Variants in MGAM observed in about 807,000 individuals in gnomAD.
MGAM encodes the protein maltase-glucoamylase.
In MGAM, 253 loss-of-function variants were observed where a neutral mutation model predicts 358.8. The observed-to-expected ratio is 0.71, with a 90% CI of 0.64 to 0.78. MGAM has a LOEUF of 0.78. MGAM is among the 30% of genes least tolerant of loss of function. The pLI is 0.00. For missense variants in MGAM, 3,080 were observed against 3,432.6 expected (o/e 0.90, Z 2.57); for synonymous variants, 1,105 against 1,227.1 (o/e 0.90, Z 2.08).
chr7:142,054,888 G>T lies in MGAM; in HGVS notation c.3294G>T (p.Arg1098=). ...KKNPFGIEIR[R]KSTGTIIWDS... is the part of the protein sequence containing the mutation. ...ATCCATTTGGGATTGAAATTCGCCG[G>T]AAGAGTACAGGCACTATAATGTGAG... The change falls in exon 27 of 71, where the codon CGG becomes CGT. Residue 1098 remains arginine (R), a synonymous_variant. Coordinates refer to ENST00000475668, the MANE Select transcript of MGAM (RefSeq NM_001365693.1). 6.2e-7 allele frequency: 1 copy of T among 1,613,746 alleles called. No individual in the cohort carries two copies.
intron 1 of MGAM, among the ~76,000 whole-genome samples, chr7:142,003,082 T>C (rs1804858994): frequency 1.3e-5 from 2 of 151,904 alleles, no homozygotes; most frequent in Non-Finnish European, 2.9e-5. Flanking sequence ...ATGACACAAA[T>C]TGGAAAACAT....
At chr7:142,020,813 C>T (rs552691326) in intron 4 of MGAM, among the ~76,000 whole-genome samples, 161 bp from the exon 5 acceptor site, 8 of 151,998 alleles carry the variant, frequency 5.3e-5, no homozygotes, top group South Asian at 2.1e-4. Flanking sequence ...AGGCTGGTCT[C>T]GAATTCCTGA....
chr7:142,040,578 T>C, intron 20 of MGAM, 144 bp from the exon 21 acceptor site: 1 of 1,094,922 alleles, frequency 9.1e-7, no homozygotes. Flanking sequence ...TTGATTTTTT[T>C]CCTTCTGTTG....
Position 142,036,224 on chromosome 7 carries a change from G to T in MGAM, c.2015G>T (p.Arg672Leu). The change falls in exon 17 of 71, where the codon CGG becomes CTG. Residue 672 changes from arginine (R) to leucine (L), a missense_variant. Coordinates refer to ENST00000475668, the MANE Select transcript of MGAM (RefSeq NM_001365693.1). ...GACACCCCTGAGGAGCTCTGTAGGC[G>T]GTGGATGCAGTTGGGTGCATTTTAT... Reference protein sequence around the residue: ...ALDTPEELCRRWMQLGAFYPF... With the variant: ...ALDTPEELCRLWMQLGAFYPF... 6.2e-7 allele frequency: 1 copy of T among 1,612,336 alleles called. No homozygotes were observed.
At chr7:142,028,693 C>T (rs1238789066) in intron 10 of MGAM, among the ~76,000 whole-genome samples, 11 of 151,872 alleles carry the variant, frequency 7.2e-5, no homozygotes, top group African/African-American at 2.2e-4. Flanking sequence ...TGTAATTTGA[C>T]GGAAAGATAG....
Position 142,022,265 on chromosome 7 carries a change from T to G in MGAM, c.711-3T>G. 1 of 1,603,466 alleles carries G rather than the reference T, an allele frequency of 6.2e-7. No homozygotes were observed. The highest frequency in any genetic ancestry group is 8.5e-7 in the Non-Finnish European group (1 of 1,173,974). ...CATCCTTGTGTTCTCCACCTGTGTC[T>G]AGGTTTGACTCGAGCATTGGGCCCC... is the stretch of plus-strand genomic sequence containing the variant. On this transcript the variant is annotated splice_region_variant and splice_polypyrimidine_tract_variant and intron_variant, in intron 6 of 70. Transcript: ENST00000475668.
At chr7:141,987,492 C>T (rs1554446449) in intron 2 of MGAM, among the ~76,000 whole-genome samples, 1 of 152,116 alleles carries the variant, frequency 6.6e-6, no homozygotes, top group African/African-American at 2.4e-5. Context: ...TGGACGAAGT[C>T]GGATCATCTG....
At chr7:142,015,329 C>A (rs1805888063) in intron 3 of MGAM, among the ~76,000 whole-genome samples, 1 of 151,982 alleles carries the variant, frequency 6.6e-6, no homozygotes, top group African/African-American at 2.4e-5. Context: ...AGGCTTTGCT[C>A]ATCTATTTTA....
At position 142,080,566 on chromosome 7, in the gene MGAM, A is replaced by G. The variant is rs960054718; in HGVS notation, c.5848-225A>G. The stretch of plus-strand genomic sequence containing the variant: ...TTTTCTACGTTAGCACCAATGTCAC[A>G]ATGCTTATATTGATGCAGTAGAGGC... On this transcript the variant is annotated intron_variant, in intron 49 of 70. Coordinates refer to ENST00000475668, the MANE Select transcript of MGAM (RefSeq NM_001365693.1). 3.4e-5 allele frequency among the ~76,000 whole-genome samples: 5 copies of G among 146,242 alleles called. 2 individuals carry two copies. Among genetic ancestry groups the G allele is most frequent in the Non-Finnish European group, 7.7e-5 (5 of 64,620 alleles).
rs865917292 is a variant in MGAM, at chr7:142,043,591, A to T, written c.2498+2745A>T. Among the ~76,000 whole-genome samples, 2 of 85,108 alleles carry T rather than the reference A, an allele frequency of 2.3e-5. 1 individual carries two copies. The highest frequency in any genetic ancestry group is 1.1e-4 in the African/African-American group (2 of 18,356). 55.8% of individuals were successfully genotyped at this position (85,108 alleles called of 152,430 possible). Reference sequence around the variant, plus strand: ...ATATACATATGATATCTAAATATATAATATATACATATAATATCTAATATA... The same window carrying T: ...ATATACATATGATATCTAAATATATTATATATACATATAATATCTAATATA... On this transcript the variant is annotated intron_variant, in intron 21 of 70. Transcript: ENST00000475668.
chr7:141,990,335 C>A (rs1392105790), intron 2 of MGAM, among the ~76,000 whole-genome samples: 2 of 152,220 alleles, frequency 1.3e-5, no homozygotes, highest in Non-Finnish European at 2.9e-5. Flanking sequence ...TGCACCTGTG[C>A]AGCTTCCAGA....
chr7:142,051,731 T>C (rs1374908380), intron 24 of MGAM, among the ~76,000 whole-genome samples: 1 of 152,160 alleles, frequency 6.6e-6, no homozygotes, highest in Admixed American at 6.5e-5. Context: ...CCTGATGTGA[T>C]TATTATGCCC....
rs1034833039 is a variant in MGAM at position 142,073,484 on chromosome 7, T to A, written c.5187-601T>A. On this transcript the variant is annotated intron_variant, in intron 44 of 70. Coordinates refer to ENST00000475668, the MANE Select transcript of MGAM (RefSeq NM_001365693.1). ...AAATTGCTCTCTATCCTCTTCTTCC[T>A]CTATGTCCATCTACTCTACCATGTC... Among the ~76,000 whole-genome samples the A allele has an allele frequency of 2.1e-5, 3 of 146,230 alleles. No individual in the cohort carries two copies. In the Admixed American group the frequency reaches 2.1e-4, roughly 10 times the overall value.
intron 43 of MGAM, among the ~76,000 whole-genome samples, chr7:142,069,703 C>T (rs1027508438): frequency 4.1e-5 from 6 of 145,348 alleles, no homozygotes; most frequent in African/African-American, 1.5e-4. Flanking sequence ...CTGGATCTGC[C>T]CTTAGGGTGG....
chr7:142,002,792 AC>A lies in MGAM; in HGVS notation c.-2-2735del, dbSNP rs561295706. Among the ~76,000 whole-genome samples, 17 of 152,022 alleles carry A rather than the reference AC, an allele frequency of 1.1e-4. No homozygotes were observed. In the East Asian group the frequency reaches 2.9e-3, roughly 26 times the overall value. ...AAACTGGAAAAAAGGAAGTCAAATT[AC>A]CTCTGTTCACTGATGGTATAATCTT... On this transcript the variant is annotated intron_variant, in intron 1 of 70. Transcript: ENST00000475668.
chr7:142,034,845 A>G lies in MGAM; in HGVS notation c.1959+4A>G, dbSNP rs782817779. 6 of 1,609,746 alleles carry G rather than the reference A, an allele frequency of 3.7e-6. No individual in the cohort carries two copies. Among genetic ancestry groups the G allele is most frequent in the Non-Finnish European group, 5.1e-6 (6 of 1,177,322 alleles). ...CAACCTTTTTGGCATCCCAATGGTG[A>G]GCTGCTACCTCAAGCTCTCTTATGA... On this transcript the variant is annotated splice_donor_region_variant and intron_variant, in intron 16 of 70. Transcript: ENST00000475668.
At chr7:142,019,617 A>G (rs1806255702) in intron 4 of MGAM, among the ~76,000 whole-genome samples, 1 of 152,092 alleles carries the variant, frequency 6.6e-6, no homozygotes, top group Non-Finnish European at 1.5e-5. Context: ...AAAGTGGGGG[A>G]TTTGAAATTG....
chr7:142,027,879 A>ATT, intron 10 of MGAM, 144 bp downstream of exon 10: 8 of 658,142 alleles, frequency 1.2e-5, no homozygotes, highest in Admixed American at 4.1e-5. Flanking sequence ...AATACTAGAC[A>ATT]TTTTTTTTTT....
At position 142,008,618 on chromosome 7, in the gene MGAM, A is replaced by C. The variant is rs1805352752; in HGVS notation, c.240A>C (p.Thr80=). 8 of 1,613,562 alleles carry C rather than the reference A, an allele frequency of 5.0e-6. No homozygotes were observed. Among genetic ancestry groups the C allele is most frequent in the Non-Finnish European group, 6.8e-6 (8 of 1,179,676 alleles). The change falls in exon 3 of 71, where the codon ACA becomes ACC. Residue 80 remains threonine, a synonymous_variant. Transcript: ENST00000475668. ...CAACGGGTCCCCCAGATCCTGGAAC[A>C]ACTGGTACCACTCCTGTTTCTGCTG... ...ARTTGPPDPG[T]TGTTPVSAEC... is the part of the protein sequence containing the mutation.
Sources: allele counts gnomAD v4.1 joint callset (sites outside exome capture counted in the v4.1 genomes callset), GRCh38; gene constraint gnomAD v4.1.1; transcripts MANE v1.5; gene names NCBI Gene and HGNC (gene_info 2026-07-23, HGNC 2026-07-21).